Variants in PDGFC observed in about 807,000 individuals in gnomAD.
PDGFC encodes platelet derived growth factor C, also known as platelet-derived growth factor C.
A neutral mutation model predicts 35.5 loss-of-function variants in PDGFC; 12 were observed. The ratio of observed to expected loss-of-function variants is 0.34; its 90% confidence interval spans 0.22 to 0.55. The LOEUF (loss-of-function observed/expected upper bound fraction) is 0.55. PDGFC is among the 20% of genes least tolerant of loss of function. PDGFC has a pLI of 0.91. For synonymous variants in PDGFC, 159 were observed against 148.8 expected (o/e 1.07, Z -0.50); for missense variants, 322 against 412.4 (o/e 0.78, Z 1.90).
At chr4:156,898,913 T>C (rs1730698439) in intron 1 of PDGFC, among the ~76,000 whole-genome samples, 1 of 152,258 alleles carries the variant, frequency 6.6e-6, no homozygotes, top group Admixed American at 6.5e-5. Flanking sequence ...TGCCTTGGTC[T>C]CCCAGTGTGC....
intron 1 of PDGFC, among the ~76,000 whole-genome samples, chr4:156,877,043 C>T (rs1730131331): frequency 6.6e-6 from 1 of 152,122 alleles, no homozygotes; most frequent in Non-Finnish European, 1.5e-5. Context: ...TTAAAACTTT[C>T]AACACCACTA....
At chr4:156,896,744 G>T (rs1341297571) in intron 1 of PDGFC, among the ~76,000 whole-genome samples, 1 of 152,136 alleles carries the variant, frequency 6.6e-6, no homozygotes, top group Non-Finnish European at 1.5e-5. Context: ...CAACTAAAGG[G>T]GATAGAGGGT....
At chr4:156,950,758 CT>C (rs1170758212) in intron 1 of PDGFC, among the ~76,000 whole-genome samples, 2 of 151,534 alleles carry the variant, frequency 1.3e-5, no homozygotes, top group Non-Finnish European at 3.0e-5. Flanking sequence ...ATACACAGAA[CT>C]TCCAAATGTT....
chr4:156,787,564 A>G (rs1008113342), intron 3 of PDGFC, among the ~76,000 whole-genome samples: 1 of 152,198 alleles, frequency 6.6e-6, no homozygotes, highest in Non-Finnish European at 1.5e-5. Context: ...ATGTGGGATC[A>G]GGAGAAGCAC....
intron 1 of PDGFC, among the ~76,000 whole-genome samples, chr4:156,894,693 G>T (rs759956688): frequency 6.6e-6 from 1 of 152,062 alleles, no homozygotes; most frequent in Non-Finnish European, 1.5e-5. Flanking sequence ...CAGAATAATT[G>T]GGATTCCACT....
intron 3 of PDGFC, among the ~76,000 whole-genome samples, chr4:156,796,925 C>A (rs1268040430): frequency 1.3e-5 from 2 of 151,982 alleles, no homozygotes; most frequent in East Asian, 3.9e-4. Flanking sequence ...TACAACCTTG[C>A]AAGACAAAGA....
At chr4:156,784,211 G>A (rs1452805566) in intron 3 of PDGFC, among the ~76,000 whole-genome samples, 1 of 152,138 alleles carries the variant, frequency 6.6e-6, no homozygotes, top group Non-Finnish European at 1.5e-5. Flanking sequence ...AAAGAAAAGA[G>A]GATAGAAGAC....
intron 2 of PDGFC, among the ~76,000 whole-genome samples, chr4:156,832,490 C>T (rs1013876980): frequency 2.0e-5 from 3 of 152,018 alleles, no homozygotes; most frequent in Non-Finnish European, 4.4e-5. Flanking sequence ...CTCCTGACCT[C>T]GTGATCCACC....
intron 1 of PDGFC, among the ~76,000 whole-genome samples, chr4:156,888,344 C>A (rs1423883583): frequency 6.6e-6 from 1 of 152,148 alleles, no homozygotes; most frequent in Admixed American, 6.5e-5. Flanking sequence ...AGCCAACTGG[C>A]CACTATACAA....
intron 1 of PDGFC, among the ~76,000 whole-genome samples, chr4:156,949,283 T>C (rs77529366): frequency 0.091 from 13,833 of 151,880 alleles, 1,896 homozygotes; most frequent in African/African-American, 0.3. Context: ...AGTTGAAAAG[T>C]ATTTATTACC....
intron 1 of PDGFC, among the ~76,000 whole-genome samples, chr4:156,872,533 T>C (rs1424045853): frequency 6.6e-6 from 1 of 152,212 alleles, no homozygotes; most frequent in Non-Finnish European, 1.5e-5. Context: ...GAATGCCTGA[T>C]GCACATCCTT....
At chr4:156,889,187 A>C (rs997802567) in intron 1 of PDGFC, among the ~76,000 whole-genome samples, 1 of 152,240 alleles carries the variant, frequency 6.6e-6, no homozygotes, top group East Asian at 1.9e-4. Context: ...ATTTCTTAAC[A>C]CTATGCACAT....
chr4:156,810,732 T>C (rs1731909152), intron 3 of PDGFC, 105 bp downstream of exon 3: 2 of 727,438 alleles, frequency 2.7e-6, no homozygotes, highest in Non-Finnish European at 4.6e-6. Flanking sequence ...CCCAGCTAGG[T>C]TTGTTTTCTG....
chr4:156,790,094 T>A (rs987796616), intron 3 of PDGFC, among the ~76,000 whole-genome samples: 1 of 152,142 alleles, frequency 6.6e-6, no homozygotes, highest in South Asian at 2.1e-4. Flanking sequence ...CATTTATCAT[T>A]TTATGAGTGT....
At chr4:156,786,549 A>C (rs550931157) in intron 3 of PDGFC, among the ~76,000 whole-genome samples, 1 of 152,130 alleles carries the variant, frequency 6.6e-6, no homozygotes. Flanking sequence ...AATGACAAGG[A>C]GGGGACGCTG....
chr4:156,917,427 CA>C (rs1731178664), intron 1 of PDGFC, among the ~76,000 whole-genome samples: 1 of 152,160 alleles, frequency 6.6e-6, no homozygotes, highest in South Asian at 2.1e-4. Flanking sequence ...CTCAAGGAAA[CA>C]AATTTGTCTT....
At chr4:156,826,640 T>G (rs544225462) in intron 2 of PDGFC, among the ~76,000 whole-genome samples, 2 of 152,334 alleles carry the variant, frequency 1.3e-5, no homozygotes, top group East Asian at 3.9e-4. Flanking sequence ...CTGCTCTGTA[T>G]TATTGCTACA....
chr4:156,959,748 C>G (rs192218771), intron 1 of PDGFC, among the ~76,000 whole-genome samples: 2 of 151,900 alleles, frequency 1.3e-5, no homozygotes, highest in South Asian at 4.1e-4. Flanking sequence ...GTTTTTGCTA[C>G]GGTAGGTTGG....
intron 4 of PDGFC, among the ~76,000 whole-genome samples, chr4:156,769,372 T>C (rs1730630643): frequency 6.6e-6 from 1 of 151,934 alleles, no homozygotes; most frequent in Admixed American, 6.6e-5. Flanking sequence ...TTAATACTTA[T>C]ATTGTCTTAA....
Sources: allele counts gnomAD v4.1 joint callset (sites outside exome capture counted in the v4.1 genomes callset), GRCh38; gene constraint gnomAD v4.1.1; transcripts MANE v1.5; gene names NCBI Gene and HGNC (gene_info 2026-07-23, HGNC 2026-07-21).